Variants in EXOC4 observed in about 807,000 individuals in gnomAD.
EXOC4 encodes the protein SEC8-like 1.
EXOC4 carries 71 observed loss-of-function variants against 107.2 expected under a neutral mutation model. That is an observed-to-expected ratio of 0.66 (90% confidence interval 0.55 to 0.81). The LOEUF is 0.81. Among genes scored for constraint, EXOC4 ranks in the 30% least tolerant of loss-of-function variants. EXOC4 has a pLI of 0.00. For synonymous variants in EXOC4, 456 were observed against 441.2 expected, an observed-to-expected ratio of 1.03 and a Z score of -0.42; for missense variants, 1,108 against 1,189.6, an observed-to-expected ratio of 0.93 and a Z score of 1.01.
the EXOC4 span, among the ~76,000 whole-genome samples, chr7:134,088,957 T>G: frequency 6.6e-6 from 1 of 152,186 alleles, no homozygotes; most frequent in Non-Finnish European, 1.5e-5. Context: ...TTAAACCCAA[T>G]TCTTAATAAA....
At chr7:134,091,291 G>A in the EXOC4 span, among the ~76,000 whole-genome samples, 1 of 152,216 alleles carries the variant, frequency 6.6e-6, no homozygotes, top group Admixed American at 6.5e-5. Context: ...TGCTAAACAA[G>A]GAGTGGATTA....
intron 13 of EXOC4, among the ~76,000 whole-genome samples, chr7:133,923,724 A>G (rs1391804129): frequency 6.6e-6 from 1 of 152,200 alleles, no homozygotes; most frequent in Non-Finnish European, 1.5e-5. Flanking sequence ...TACTGTCTTA[A>G]TGGTGTCTTT....
chr7:133,375,544 T>A (rs187484526), intron 7 of EXOC4, among the ~76,000 whole-genome samples: 5 of 152,292 alleles, frequency 3.3e-5, no homozygotes, highest in Admixed American at 3.3e-4. Context: ...ATTCTCAATA[T>A]GTATAGTGTC....
the EXOC4 span, among the ~76,000 whole-genome samples, chr7:134,099,762 G>A: frequency 0.16 from 25,025 of 151,834 alleles, 4,678 homozygotes; most frequent in African/African-American, 0.46. Context: ...TCTGGAGTGC[G>A]ATGGCGAAAT....
chr7:133,310,964 T>C (rs996001602), intron 4 of EXOC4, among the ~76,000 whole-genome samples: 3 of 152,132 alleles, frequency 2.0e-5, no homozygotes, highest in Non-Finnish European at 2.9e-5. Context: ...GGAAATCACA[T>C]GAAGGCACTT....
chr7:133,541,055 A>T (rs1270044565), intron 9 of EXOC4, among the ~76,000 whole-genome samples: 1 of 152,194 alleles, frequency 6.6e-6, no homozygotes, highest in Non-Finnish European at 1.5e-5. Flanking sequence ...ATTTATGTCT[A>T]CATGAAATAA....
chr7:133,287,320 T>TA (rs1794303948), intron 2 of EXOC4, among the ~76,000 whole-genome samples: 1 of 149,078 alleles, frequency 6.7e-6, no homozygotes, highest in African/African-American at 2.5e-5. Context: ...TATATGTATA[T>TA]TTTTTTTTGA....
intron 10 of EXOC4, among the ~76,000 whole-genome samples, chr7:133,696,954 T>A (rs1794548548): frequency 6.6e-6 from 1 of 152,218 alleles, no homozygotes; most frequent in Admixed American, 6.5e-5. Flanking sequence ...AAACATTTTT[T>A]GAGCACAGAC....
At chr7:133,451,084 T>C (rs1200890899) in intron 7 of EXOC4, among the ~76,000 whole-genome samples, 1 of 152,210 alleles carries the variant, frequency 6.6e-6, no homozygotes, top group African/African-American at 2.4e-5. Context: ...AGCAGATTAC[T>C]TTCCTTCCAC....
chr7:133,530,176 C>T (rs146496470), intron 9 of EXOC4, among the ~76,000 whole-genome samples: 17 of 152,252 alleles, frequency 1.1e-4, no homozygotes, highest in South Asian at 2.1e-4. Flanking sequence ...AGGTGGAAGT[C>T]GTGTGACATA....
At chr7:133,363,375 C>G (rs1270117175) in intron 6 of EXOC4, among the ~76,000 whole-genome samples, 1 of 152,086 alleles carries the variant, frequency 6.6e-6, no homozygotes, top group Non-Finnish European at 1.5e-5. Context: ...AGTCTATATA[C>G]TTTCTAGTAA....
intron 5 of EXOC4, among the ~76,000 whole-genome samples, chr7:133,328,253 T>C (rs908647813): frequency 1.1e-4 from 15 of 141,688 alleles, no homozygotes; most frequent in Non-Finnish European, 2.3e-4. Flanking sequence ...TTGCAACCCC[T>C]GTTTTTTTTT....
At chr7:133,352,284 T>C (rs186691635) in intron 5 of EXOC4, among the ~76,000 whole-genome samples, 1 of 152,132 alleles carries the variant, frequency 6.6e-6, no homozygotes, top group African/African-American at 2.4e-5. Flanking sequence ...CTTCAACTGT[T>C]GTAGAACTGC....
intron 14 of EXOC4, among the ~76,000 whole-genome samples, chr7:133,940,438 T>C (rs1222364170): frequency 6.6e-6 from 1 of 152,238 alleles, no homozygotes; most frequent in Non-Finnish European, 1.5e-5. Context: ...AGTTCCATTT[T>C]ATAATATAAG....
chr7:133,720,031 CG>C (rs1795075431), intron 10 of EXOC4, among the ~76,000 whole-genome samples: 1 of 152,162 alleles, frequency 6.6e-6, no homozygotes, highest in Admixed American at 6.5e-5. Flanking sequence ...ACCATCGCCA[CG>C]TTTGGCTGTG....
intron 3 of EXOC4, among the ~76,000 whole-genome samples, chr7:133,296,232 C>CT (rs1285049205): frequency 2.0e-5 from 3 of 152,040 alleles, no homozygotes; most frequent in Non-Finnish European, 4.4e-5. Flanking sequence ...TGAAGGTGGC[C>CT]TTAACCTTGG....
intron 7 of EXOC4, among the ~76,000 whole-genome samples, chr7:133,415,859 T>G (rs1797463670): frequency 6.6e-6 from 1 of 152,166 alleles, no homozygotes; most frequent in Non-Finnish European, 1.5e-5. Context: ...AAGGAACAAT[T>G]AAAACATAAT....
At chr7:133,500,435 T>C (rs1799555580) in intron 9 of EXOC4, among the ~76,000 whole-genome samples, 1 of 152,226 alleles carries the variant, frequency 6.6e-6, no homozygotes, top group Admixed American at 6.5e-5. Context: ...CACATAATGA[T>C]GTTGACATTC....
At chr7:133,581,694 C>G (rs1048001462) in intron 9 of EXOC4, among the ~76,000 whole-genome samples, 1 of 140,110 alleles carries the variant, frequency 7.1e-6, no homozygotes, top group Non-Finnish European at 1.5e-5. Context: ...AGAGGCAGAG[C>G]TTGCAGTGAG....
Sources: allele counts gnomAD v4.1 joint callset (sites outside exome capture counted in the v4.1 genomes callset), GRCh38; gene constraint gnomAD v4.1.1; transcripts MANE v1.5; gene names NCBI Gene and HGNC (gene_info 2026-07-23, HGNC 2026-07-21).